Variants in NEK10 observed in about 807,000 individuals in gnomAD.
The protein encoded by NEK10 is serine/threonine-protein kinase Nek10.
In NEK10, 122 loss-of-function variants were observed where a neutral mutation model predicts 159.8. The observed-to-expected ratio is 0.76, with a 90% CI of 0.66 to 0.89. The LOEUF (loss-of-function observed/expected upper bound fraction) is 0.89, where lower values mean the gene tolerates loss of function less well. Ranked by LOEUF, NEK10 falls within the 40% of genes least tolerant of loss-of-function variation. The probability of loss-of-function intolerance (pLI) is 0.00; values close to 1 mark genes in which losing one functional copy is unlikely to be tolerated. For missense variants in NEK10, 1,342 were observed against 1,323.1 expected, an observed-to-expected ratio of 1.01 and a Z score of -0.22; for synonymous variants, 466 against 457.1, an observed-to-expected ratio of 1.02 and a Z score of -0.25.
rs142598848 is a variant in NEK10 at position 27,347,205 on chromosome 3, T to C, written c.133-989A>G. Among the ~76,000 whole-genome samples, 1,059 of 152,308 alleles carry C rather than the reference T, an allele frequency of 7.0e-3. 55 individuals are homozygous for C. The highest frequency in any genetic ancestry group is 0.056 in the Admixed American group (856 of 15,294). ...TGTCTTATTTCACTGAAGTATTTAA[T>C]GTAAATCAGTATGAAGACATCATTT... On this transcript the variant is annotated intron_variant, in intron 3 of 35. Coordinates refer to ENST00000691995, the MANE Select transcript of NEK10 (RefSeq NM_001394966.1).
rs1293661680 is a variant in NEK10, at chr3:27,218,858, T to C, written c.2091-16301A>G. ...ACAGAAAGAAACATCCTCAGCCCAA[T>C]GAAAGACATCTGCACAATTCTCAGG... On this transcript the variant is annotated intron_variant, in intron 23 of 35. Coordinates refer to ENST00000691995, the MANE Select transcript of NEK10 (RefSeq NM_001394966.1). Among the ~76,000 whole-genome samples the C allele has an allele frequency of 2.6e-5, 4 of 151,772 alleles. No homozygotes were observed. The South Asian group carries it at 6.2e-4, about 24-fold the overall frequency.
chr3:27,147,128 T>C (rs1440935488), intron 30 of NEK10, among the ~76,000 whole-genome samples: 1 of 152,184 alleles, frequency 6.6e-6, no homozygotes, highest in Non-Finnish European at 1.5e-5. Context: ...TTTCTTCATA[T>C]GAAATGGCAG....
chr3:27,271,120 C>A (rs1462033823), intron 22 of NEK10, among the ~76,000 whole-genome samples: 1 of 151,380 alleles, frequency 6.6e-6, no homozygotes, highest in Non-Finnish European at 1.5e-5. Flanking sequence ...ATATGTATAT[C>A]CATCTATCTT....
chr3:27,226,189 G>A (rs1346316089), intron 23 of NEK10, among the ~76,000 whole-genome samples: 4 of 147,662 alleles, frequency 2.7e-5, no homozygotes, highest in African/African-American at 8.0e-5. Flanking sequence ...CCGCCACTAC[G>A]CCCGGCTATT....
At chr3:27,314,892 C>G (rs895103005) in intron 6 of NEK10, among the ~76,000 whole-genome samples, 1 of 152,208 alleles carries the variant, frequency 6.6e-6, no homozygotes, top group Admixed American at 6.5e-5. Flanking sequence ...ATCTCCAGGT[C>G]ATACGTACGT....
chr3:27,253,508 A>C (rs1036262274), intron 23 of NEK10, among the ~76,000 whole-genome samples: 6 of 152,222 alleles, frequency 3.9e-5, no homozygotes, highest in African/African-American at 1.4e-4. Flanking sequence ...AAGAACCTTT[A>C]CTGACCTTCT....
intron 30 of NEK10, among the ~76,000 whole-genome samples, chr3:27,143,142 A>G (rs1943948776): frequency 6.6e-6 from 1 of 152,212 alleles, no homozygotes; most frequent in Non-Finnish European, 1.5e-5. Context: ...TATTTTCTAC[A>G]GTAGTGCTTC....
chr3:27,242,649 C>T (rs1012439901), intron 23 of NEK10, among the ~76,000 whole-genome samples: 1 of 152,182 alleles, frequency 6.6e-6, no homozygotes, highest in Non-Finnish European at 1.5e-5. Context: ...TTACTTCTCT[C>T]ACTGCTGAAG....
chr3:27,247,107 C>T (rs769312589), intron 23 of NEK10, among the ~76,000 whole-genome samples: 4 of 152,116 alleles, frequency 2.6e-5, no homozygotes, highest in Non-Finnish European at 4.4e-5. Context: ...AATTTGGATG[C>T]CTTTTATTTA....
chr3:27,264,143 C>G (rs1166319541), intron 22 of NEK10, among the ~76,000 whole-genome samples: 4 of 151,810 alleles, frequency 2.6e-5, no homozygotes, highest in African/African-American at 9.7e-5. Flanking sequence ...ATTCTAAAGC[C>G]CCAAATCTCA....
At chr3:27,344,516 G>A in intron 4 of NEK10, 146 bp from the exon 5 acceptor site, 2 of 467,710 alleles carry the variant, frequency 4.3e-6, no homozygotes, top group Non-Finnish European at 3.8e-6. Flanking sequence ...AAATATTGAA[G>A]GAGCCTTGCG....
intron 22 of NEK10, among the ~76,000 whole-genome samples, chr3:27,281,841 G>A (rs1318514228): frequency 6.6e-6 from 1 of 152,126 alleles, no homozygotes; most frequent in African/African-American, 2.4e-5. Context: ...AGGAGTCCAG[G>A]AAAACAAAAG....
At chr3:27,298,772 A>G (rs910277102) in intron 13 of NEK10, among the ~76,000 whole-genome samples, 2 of 152,222 alleles carry the variant, frequency 1.3e-5, no homozygotes, top group African/African-American at 4.8e-5. Flanking sequence ...ACTGGAGCCA[A>G]GGTGACTCTT....
Position 27,310,996 on chromosome 3 carries a change from C to A in NEK10, c.589G>T (p.Ala197Ser). ...ACCCATTCTCTTTGATCTTTGACTG[C>A]AGCAAGTTTTTGAAAAATATCTATA... ...NMTYIFQKLAAVKDQREWVTT... is the reference protein window; with the variant it reads ...NMTYIFQKLASVKDQREWVTT... Residue 197 changes from alanine to serine, a missense_variant, in exon 9 of 36, where the codon GCA becomes TCA. Transcript: ENST00000691995. The A allele has an allele frequency of 3.1e-6, 5 of 1,611,738 alleles. No individual in the cohort carries two copies. Among genetic ancestry groups the A allele is most frequent in the East Asian group, 2.2e-5 (1 of 44,848 alleles).
chr3:27,339,310 T>A (rs1362709077), intron 5 of NEK10, among the ~76,000 whole-genome samples: 2 of 151,976 alleles, frequency 1.3e-5, no homozygotes, highest in Non-Finnish European at 2.9e-5. Flanking sequence ...CTGACAAAGG[T>A]CTAATATCCA....
chr3:27,207,605 T>C (rs1345467606), intron 23 of NEK10, among the ~76,000 whole-genome samples: 1 of 152,192 alleles, frequency 6.6e-6, no homozygotes, highest in Non-Finnish European at 1.5e-5. Context: ...TGAAGTTATT[T>C]ATCCAATAAT....
intron 31 of NEK10, among the ~76,000 whole-genome samples, chr3:27,134,366 A>G (rs1004919178): frequency 1.8e-4 from 27 of 152,202 alleles, no homozygotes; most frequent in African/African-American, 6.3e-4. Context: ...CAAACCAAAC[A>G]CCAGAGGGCA....
chr3:27,246,291 G>A (rs1387628704), intron 23 of NEK10, among the ~76,000 whole-genome samples: 9 of 151,942 alleles, frequency 5.9e-5, no homozygotes, highest in African/African-American at 2.2e-4. Flanking sequence ...ATGTCATGGG[G>A]GTTTGTTGCA....
At chr3:27,259,991 C>G (rs761197853) in intron 22 of NEK10, among the ~76,000 whole-genome samples, 10 of 151,988 alleles carry the variant, frequency 6.6e-5, no homozygotes, top group South Asian at 2.1e-4. Context: ...ATTGTGAATG[C>G]GAGTTCACTC....
Sources: allele counts gnomAD v4.1 joint callset (sites outside exome capture counted in the v4.1 genomes callset), GRCh38; gene constraint gnomAD v4.1.1; transcripts MANE v1.5; gene names NCBI Gene and HGNC (gene_info 2026-07-23, HGNC 2026-07-21).